DOCK3: variants seen among roughly 807,000 people sequenced by gnomAD.
The protein encoded by DOCK3 is dedicator of cytokinesis 3.
Under a neutral mutation model 265.6 loss-of-function variants are expected in DOCK3, and 60 were observed. That is an observed-to-expected ratio of 0.23 (90% CI 0.18 to 0.28). DOCK3 has a LOEUF of 0.28. Among genes scored for constraint, DOCK3 ranks in the 10% least tolerant of loss-of-function variants. DOCK3 has a pLI of 1.00. For missense variants in DOCK3, 1,981 were observed against 2,594.3 expected, an observed-to-expected ratio of 0.76 and a Z score of 5.14; for synonymous variants, 881 against 938.0, an observed-to-expected ratio of 0.94 and a Z score of 1.11.
At chr3:50,729,409 T>G (rs2038052355) in intron 1 of DOCK3, among the ~76,000 whole-genome samples, 1 of 151,146 alleles carries the variant, frequency 6.6e-6, no homozygotes, top group South Asian at 2.1e-4. Context: ...ATTATTATAC[T>G]TTAAGTTTTA....
At chr3:51,125,007 C>T (rs1193084887) in intron 9 of DOCK3, among the ~76,000 whole-genome samples, 8 of 150,780 alleles carry the variant, frequency 5.3e-5, no homozygotes, top group Non-Finnish European at 8.8e-5. Context: ...GATTTGGTGG[C>T]GTGTTCCTGT....
At chr3:51,190,569 A>G (rs980298658) in intron 12 of DOCK3, among the ~76,000 whole-genome samples, 1 of 152,186 alleles carries the variant, frequency 6.6e-6, no homozygotes, top group African/African-American at 2.4e-5. Flanking sequence ...CTTTCTGGAC[A>G]CAGTGTTATT....
intron 51 of DOCK3, among the ~76,000 whole-genome samples, chr3:51,376,913 G>A (rs2088185172): frequency 6.6e-6 from 1 of 152,222 alleles, no homozygotes; most frequent in Non-Finnish European, 1.5e-5. Flanking sequence ...ATAGCTTCAA[G>A]GTCGTATATC....
At chr3:51,026,387 T>G (rs564475135) in intron 5 of DOCK3, among the ~76,000 whole-genome samples, 8 of 152,218 alleles carry the variant, frequency 5.3e-5, no homozygotes, top group Non-Finnish European at 8.8e-5. Flanking sequence ...GCTAGTATTT[T>G]GTTGAGAAGT....
At chr3:50,904,903 T>C (rs1214849158) in intron 4 of DOCK3, among the ~76,000 whole-genome samples, 2 of 152,124 alleles carry the variant, frequency 1.3e-5, no homozygotes, top group Admixed American at 1.3e-4. Context: ...AGGTCTAACA[T>C]TTAAGTCTTT....
chr3:50,786,891 G>A, intron 2 of DOCK3: 1 of 738,176 alleles, frequency 1.4e-6, no homozygotes, highest in South Asian at 1.4e-5. Context: ...GAATGCTGCA[G>A]GGAGTGCCCC....
chr3:51,287,812 A>G (rs1334702494), intron 27 of DOCK3, among the ~76,000 whole-genome samples: 1 of 152,172 alleles, frequency 6.6e-6, no homozygotes, highest in Non-Finnish European at 1.5e-5. Context: ...AAATAATTCT[A>G]CCATAAAGAC....
At chr3:51,111,396 G>C (rs918188717) in intron 9 of DOCK3, among the ~76,000 whole-genome samples, 10 of 152,258 alleles carry the variant, frequency 6.6e-5, no homozygotes, top group African/African-American at 2.4e-4. Context: ...TAGACCAGTG[G>C]AACAGAATAG....
At chr3:50,839,974 G>A (rs181615021) in intron 2 of DOCK3, among the ~76,000 whole-genome samples, 1 of 151,406 alleles carries the variant, frequency 6.6e-6, no homozygotes, top group Non-Finnish European at 1.5e-5. Flanking sequence ...TCACCATGTT[G>A]GTCAGGCTAG....
Position 51,359,552 on chromosome 3 carries a change from A to AAACAGC in DOCK3, c.4885-959_4885-958insAACAGC, listed in dbSNP as rs2086588631. On this transcript the variant is annotated intron_variant, in intron 46 of 52. Transcript: ENST00000266037. The surrounding 1 kb of genome is among the most constrained non-coding windows in gnomAD (Gnocchi z 4.8). ...CATTCCAGGGTCTCCTGCCTGTTTG[A>AAACAGC]CTGGTCTCTGCTGTGTGCAAACTTC... 6.6e-6 allele frequency among the ~76,000 whole-genome samples: 1 copy of AAACAGC among 152,096 alleles called. No individual in the cohort carries two copies. Among genetic ancestry groups the AAACAGC allele is most frequent in the Non-Finnish European group, 1.5e-5 (1 of 68,008 alleles).
intron 5 of DOCK3, among the ~76,000 whole-genome samples, chr3:51,011,366 C>T (rs2078943292): frequency 6.6e-6 from 1 of 152,152 alleles, no homozygotes; most frequent in African/African-American, 2.4e-5. Flanking sequence ...CGCTTCATTT[C>T]ATTCATTTGA....
At chr3:50,787,020 A>C in intron 2 of DOCK3, 2 of 741,260 alleles carry the variant, frequency 2.7e-6, no homozygotes, top group Non-Finnish European at 5.1e-6. Flanking sequence ...TTTTTCTCAC[A>C]AATTTCACAG....
chr3:51,080,204 A>T (rs1264591932), intron 7 of DOCK3, among the ~76,000 whole-genome samples: 1 of 152,258 alleles, frequency 6.6e-6, no homozygotes, highest in Non-Finnish European at 1.5e-5. Context: ...CCAAAGCTGC[A>T]TAGTTTCTTT....
rs1332521196 is a variant in DOCK3 at position 50,997,577 on chromosome 3, A to T, written c.315+63500A>T. On this transcript the variant is annotated intron_variant, in intron 5 of 52. Coordinates refer to ENST00000266037, the MANE Select transcript of DOCK3 (RefSeq NM_004947.5). ...ATTATTTTATAATAAATAAAACATT[A>T]GAAAGAAATACACTAAAATGGTAAC... Among the ~76,000 whole-genome samples the T allele has an allele frequency of 1.1e-4, 17 of 152,216 alleles. 1 individual carries two copies. Among genetic ancestry groups the T allele is most frequent in the Admixed American group, 1.1e-3 (17 of 15,280 alleles).
At chr3:51,015,593 T>G (rs2079118919) in intron 5 of DOCK3, among the ~76,000 whole-genome samples, 2 of 149,822 alleles carry the variant, frequency 1.3e-5, no homozygotes, top group Non-Finnish European at 3.0e-5. Context: ...AGTTTTTATT[T>G]TTTGATGTGT....
intron 9 of DOCK3, among the ~76,000 whole-genome samples, chr3:51,131,000 A>T (rs2106939009): frequency 6.6e-6 from 1 of 152,218 alleles, no homozygotes. Context: ...GAACCACTGC[A>T]CCCGGGCACA....
intron 1 of DOCK3, among the ~76,000 whole-genome samples, chr3:50,731,329 T>C (rs2038197182): frequency 6.6e-6 from 1 of 152,182 alleles, no homozygotes; most frequent in African/African-American, 2.4e-5. Context: ...TGTACATTTG[T>C]TCAAGTCCAT....
intron 3 of DOCK3, among the ~76,000 whole-genome samples, chr3:50,869,431 T>C (rs1481281992): frequency 7.8e-6 from 1 of 128,516 alleles, no homozygotes; most frequent in Non-Finnish European, 1.6e-5. Context: ...GAGTCAGTGG[T>C]GTGATCTCAG....
At chr3:50,715,530 A>C (rs2037052073) in intron 1 of DOCK3, among the ~76,000 whole-genome samples, 1 of 152,160 alleles carries the variant, frequency 6.6e-6, no homozygotes, top group Non-Finnish European at 1.5e-5. Context: ...CAGCCTGGGC[A>C]ACAGAGCAAG....
Sources: gnomAD v4.1 joint callset for allele counts (sites outside exome capture counted in the v4.1 genomes callset) on GRCh38, gnomAD v4.1.1 for gene constraint, Gnocchi (gnomAD v3.1) non-coding constraint, MANE v1.5 for transcripts, NCBI Gene and HGNC (gene_info 2026-07-23, HGNC 2026-07-21) for gene names.